The following RBM26 variants were observed in gnomAD, a reference collection of about 807,000 sequenced individuals.
RBM26 encodes the protein RNA-binding protein 26.
A neutral mutation model predicts 123.6 loss-of-function variants in RBM26; 30 were observed. That is an observed-to-expected ratio of 0.24 (90% CI 0.18 to 0.33). RBM26 has a LOEUF of 0.33. Among genes scored for constraint, RBM26 ranks in the 10% least tolerant of loss-of-function variants. The probability of loss-of-function intolerance (pLI) is 1.00; values close to 1 mark genes in which losing one functional copy is unlikely to be tolerated. For synonymous variants in RBM26, 400 were observed against 404.4 expected (o/e 0.99, Z 0.13); for missense variants, 947 against 1,203.6 (o/e 0.79, Z 3.15).
intron 3 of RBM26, among the ~76,000 whole-genome samples, chr13:79,374,543 A>C (rs1049801340): frequency 1.3e-5 from 2 of 152,148 alleles, no homozygotes; most frequent in African/African-American, 4.8e-5. Context: ...TGGAAATCCT[A>C]TTAACAGACC....
intron 1 of RBM26, among the ~76,000 whole-genome samples, chr13:79,393,612 C>T (rs981416164): frequency 6.6e-6 from 1 of 152,146 alleles, no homozygotes; most frequent in African/African-American, 2.4e-5. Flanking sequence ...GACATTCAAC[C>T]CCCATACAGT....
intron 1 of RBM26, among the ~76,000 whole-genome samples, chr13:79,395,020 C>T (rs1043239702): frequency 2.0e-5 from 3 of 152,182 alleles, no homozygotes; most frequent in Non-Finnish European, 4.4e-5. Context: ...AAGCCCAGAA[C>T]CAATCAGACT....
At chr13:79,322,520 A>G (rs2067805718) in intron 20 of RBM26, 58 bp from the exon 21 acceptor site, 1 of 1,156,048 alleles carries the variant, frequency 8.7e-7, no homozygotes, top group Admixed American at 2.8e-5. Flanking sequence ...AGAAAAAAAT[A>G]AATGTCATAG....
At position 79,405,779 on chromosome 13, in the gene RBM26, A is replaced by C. The variant is rs1398306413; in HGVS notation, c.-5T>G. The C allele has an allele frequency of 1.9e-6, 3 of 1,579,030 alleles. No individual in the cohort carries two copies. The highest frequency in any genetic ancestry group is 1.8e-5 in the Admixed American group (1 of 56,354). On this transcript the variant is annotated 5_prime_UTR_variant, in exon 1 of 22. Coordinates refer to ENST00000438737, the MANE Select transcript of RBM26 (RefSeq NM_001366735.2). ...AATGATCATTTTAGAAACCATCCAC[A>C]GCGGCCCTAAGGCCCGTCACACTCC...
rs141921974 is a variant in RBM26 at position 79,352,636 on chromosome 13, C to T, written c.2058+517G>A. ...GTGAAAAACTTACATTTACATCATC[C>T]TTTCCAGTTTACAAAAATATTTGTA... On this transcript the variant is annotated intron_variant, in intron 14 of 21. Transcript: ENST00000438737. Among the ~76,000 whole-genome samples the T allele has an allele frequency of 3.9e-5, 6 of 152,190 alleles. No homozygotes were observed. The East Asian group carries it at 9.6e-4, about 24-fold the overall frequency.
chr13:79,350,781 T>C lies in RBM26; in HGVS notation c.2058+2372A>G, dbSNP rs80060963. Among the ~76,000 whole-genome samples, 682 of 152,252 alleles carry C rather than the reference T, an allele frequency of 4.5e-3. 2 individuals are homozygous for C. The highest frequency in any genetic ancestry group is 0.016 in the African/African-American group (654 of 41,552). ...AACTAATATTTGATGATGGGGAACA[T>C]TCTTCTATTCTTTCTAAGACTTCTT... On this transcript the variant is annotated intron_variant, in intron 14 of 21. Transcript: ENST00000438737.
intron 1 of RBM26, among the ~76,000 whole-genome samples, chr13:79,401,520 C>T (rs2079051430): frequency 6.6e-6 from 1 of 152,194 alleles, no homozygotes; most frequent in Non-Finnish European, 1.5e-5. Context: ...GATAACAATG[C>T]TTACCTCATA....
chr13:79,384,638 TAAG>T (rs1485194482), intron 1 of RBM26, among the ~76,000 whole-genome samples: 2 of 152,188 alleles, frequency 1.3e-5, no homozygotes, highest in African/African-American at 4.8e-5. Context: ...AGTGACCATC[TAAG>T]AAGGTCATTC....
At chr13:79,352,694 C>T (rs1454207111) in intron 14 of RBM26, among the ~76,000 whole-genome samples, 1 of 151,962 alleles carries the variant, frequency 6.6e-6, no homozygotes, top group African/African-American at 2.4e-5. Flanking sequence ...TCAGAAAACC[C>T]CATGAGCAAG....
intron 14 of RBM26, 41 bp from the exon 15 acceptor site, chr13:79,344,835 G>A (rs769556302): frequency 1.3e-5 from 21 of 1,587,988 alleles, no homozygotes; most frequent in African/African-American, 4.1e-5. Flanking sequence ...TATATCAGCC[G>A]TTCATGATAT....
At chr13:79,323,758 G>T (rs956038832) in intron 20 of RBM26, among the ~76,000 whole-genome samples, 4 of 151,646 alleles carry the variant, frequency 2.6e-5, no homozygotes, top group Non-Finnish European at 5.9e-5. Flanking sequence ...ATAAGATGAG[G>T]CTACAACTTT....
At chr13:79,369,950 T>G (rs375886302) in intron 5 of RBM26, among the ~76,000 whole-genome samples, 5 of 152,266 alleles carry the variant, frequency 3.3e-5, no homozygotes, top group African/African-American at 1.2e-4. Context: ...TAATCTATCA[T>G]CCCTCCTTTA....
At chr13:79,322,230 G>A (rs1021448031) in intron 21 of RBM26, 119 bp downstream of exon 21, 1 of 570,238 alleles carries the variant, frequency 1.8e-6, no homozygotes. Flanking sequence ...GATATCCCCT[G>A]CCTGGACTAT....
intron 5 of RBM26, among the ~76,000 whole-genome samples, chr13:79,370,424 T>C (rs1034653397): frequency 2.0e-5 from 3 of 152,242 alleles, no homozygotes; most frequent in African/African-American, 7.2e-5. Context: ...CATGTATCAA[T>C]AGTTCTTTTC....
intron 3 of RBM26, among the ~76,000 whole-genome samples, chr13:79,373,700 TTTATATATATATA>T (rs2076371652): frequency 3.3e-5 from 1 of 30,008 alleles, no homozygotes; most frequent in African/African-American, 1.3e-4. Context: ...TATATAATAT[TTTATATATATATA>T]TTACTATATA....
chr13:79,365,653 A>G lies in RBM26; in HGVS notation c.1342T>C (p.Tyr448His). Residue 448 changes from tyrosine to histidine, a missense_variant, in exon 9 of 22, where the codon TAT (tyrosine) becomes CAT (histidine). By Grantham distance (83) the Tyr-to-His change is moderately conservative. This residue lies in a region of RBM26 where 493 missense variants were observed against 563.1 expected (regional missense o/e 0.88). Coordinates refer to ENST00000438737, the MANE Select transcript of RBM26 (RefSeq NM_001366735.2). Reference sequence around the variant, plus strand: ...CTTTGTGCATGCACTCTGTGTCTATACATAGGTCTGGAAGTGTTTGTTATG... The same window carrying G: ...CTTTGTGCATGCACTCTGTGTCTATGCATAGGTCTGGAAGTGTTTGTTATG... ...PSITNTSRPM[Y>H]RHRVHAQRPN... 1 of 1,613,882 alleles carries G rather than the reference A, an allele frequency of 6.2e-7. No homozygotes were observed. Among genetic ancestry groups the G allele is most frequent in the Non-Finnish European group, 8.5e-7 (1 of 1,179,842 alleles).
intron 1 of RBM26, among the ~76,000 whole-genome samples, chr13:79,396,708 A>G (rs1271163942): frequency 6.6e-6 from 1 of 152,192 alleles, no homozygotes; most frequent in Non-Finnish European, 1.5e-5. Flanking sequence ...TTTTTTCAGA[A>G]AAACGGAGGA....
chr13:79,373,514 T>TATTC (rs1284469824), intron 3 of RBM26, among the ~76,000 whole-genome samples: 65 of 30,382 alleles, frequency 2.1e-3, no homozygotes, highest in Non-Finnish European at 3.2e-3. Context: ...TACTTATTTA[T>TATTC]ATATATTACT....
At chr13:79,383,931 T>C (rs1392770000) in intron 1 of RBM26, among the ~76,000 whole-genome samples, 3 of 152,198 alleles carry the variant, frequency 2.0e-5, no homozygotes, top group Non-Finnish European at 2.9e-5. Flanking sequence ...ATATGCTTTA[T>C]GGCTATCCGG....
Sources: gnomAD v4.1 joint callset for allele counts (sites outside exome capture counted in the v4.1 genomes callset) on GRCh38, gnomAD v4.1.1 for gene constraint, gnomAD v4.1.1 regional missense constraint, MANE v1.5 for transcripts, NCBI Gene and HGNC (gene_info 2026-07-23, HGNC 2026-07-21) for gene names.